TENM1: variants seen among roughly 807,000 people sequenced by gnomAD.
TENM1 encodes teneurin-1.
Under a neutral mutation model 174.8 loss-of-function variants are expected in TENM1, and 35 were observed. That is an observed-to-expected ratio of 0.20 (90% CI 0.15 to 0.27). TENM1 has a LOEUF of 0.27. TENM1 is among the 10% of genes least tolerant of loss of function. The probability of loss-of-function intolerance (pLI) is 1.00; values close to 1 mark genes in which losing one functional copy is unlikely to be tolerated. For synonymous variants in TENM1, 781 were observed against 798.7 expected, an observed-to-expected ratio of 0.98 and a Z score of 0.37; for missense variants, 1,633 against 2,130.1, an observed-to-expected ratio of 0.77 and a Z score of 4.59.
chrX:124,508,089 A>C (rs866877670), intron 18 of TENM1, among the ~76,000 whole-genome samples: 3 of 112,432 alleles, frequency 2.7e-5, no homozygotes, highest in Middle Eastern at 9.2e-3. Context: ...AAAGACAAAA[A>C]ACCGAAAGAA....
the TENM1 span, among the ~76,000 whole-genome samples, chrX:124,973,047 A>C: frequency 8.9e-6 from 1 of 112,216 alleles, no homozygotes; most frequent in Non-Finnish European, 1.9e-5. Context: ...AGAAGGTAGG[A>C]AAGCAAGAAA....
At chrX:125,007,346 C>T in the TENM1 span, among the ~76,000 whole-genome samples, 80 of 102,414 alleles carry the variant, frequency 7.8e-4, 2 homozygotes, top group East Asian at 0.022. Flanking sequence ...TAAAAAGGAA[C>T]GAGAAAAAAA....
chrX:124,575,880 C>T (rs914036947), intron 11 of TENM1, among the ~76,000 whole-genome samples: 1 of 111,798 alleles, frequency 8.9e-6, no homozygotes, highest in Admixed American at 9.5e-5. Context: ...TGAACTTCTA[C>T]TCATTTGTAG....
chrX:124,904,393 C>A (rs1238248464), intron 1 of TENM1, among the ~76,000 whole-genome samples: 1 of 111,628 alleles, frequency 9.0e-6, no homozygotes, highest in Admixed American at 9.5e-5. Context: ...CAAAGAGTGA[C>A]CCTAAACACC....
chrX:124,866,493 T>C (rs1454157080), intron 3 of TENM1, among the ~76,000 whole-genome samples: 3 of 111,245 alleles, frequency 2.7e-5, no homozygotes, highest in African/African-American at 9.8e-5. Flanking sequence ...CCAAAACCTA[T>C]GGGACACAGC....
chrX:124,575,632 A>G (rs1200699911), intron 11 of TENM1, among the ~76,000 whole-genome samples: 1 of 112,232 alleles, frequency 8.9e-6, no homozygotes, highest in Non-Finnish European at 1.9e-5. Flanking sequence ...TCCTTTATAA[A>G]GGAACTGGTT....
At chrX:124,397,630 C>T (rs1315729674) in intron 27 of TENM1, among the ~76,000 whole-genome samples, 1 of 110,810 alleles carries the variant, frequency 9.0e-6, no homozygotes, top group Non-Finnish European at 1.9e-5. Flanking sequence ...CAGAGTCTCG[C>T]TCTGTCGCCC....
intron 27 of TENM1, among the ~76,000 whole-genome samples, chrX:124,398,912 T>C (rs745935673): frequency 8.9e-6 from 1 of 112,348 alleles, no homozygotes; most frequent in South Asian, 3.7e-4. Flanking sequence ...TCTAGAAAAG[T>C]TTACATGACA....
chrX:124,973,437 G>T, the TENM1 span, among the ~76,000 whole-genome samples: 31 of 111,608 alleles, frequency 2.8e-4, no homozygotes, highest in African/African-American at 1.0e-3. Context: ...CTAATTCTGT[G>T]AAGAAAGTCA....
intron 1 of TENM1, among the ~76,000 whole-genome samples, chrX:124,897,717 G>A (rs927896682): frequency 8.9e-6 from 1 of 112,236 alleles, no homozygotes; most frequent in Non-Finnish European, 1.9e-5. Flanking sequence ...TCACTGCTGA[G>A]TATGTTACCT....
At chrX:125,008,116 T>C in the TENM1 span, among the ~76,000 whole-genome samples, 1 of 111,158 alleles carries the variant, frequency 9.0e-6, no homozygotes, top group South Asian at 3.8e-4. Flanking sequence ...GACCCATTGG[T>C]GTGCTGTATT....
intron 15 of TENM1, among the ~76,000 whole-genome samples, chrX:124,540,208 C>T (rs1018317082): frequency 1.8e-5 from 2 of 112,198 alleles, no homozygotes; most frequent in Non-Finnish European, 1.9e-5. Context: ...TCCATCTGCA[C>T]AGTTCCTGGC....
chrX:124,548,357 C>T (rs989288608), intron 14 of TENM1, among the ~76,000 whole-genome samples: 2 of 110,908 alleles, frequency 1.8e-5, no homozygotes, highest in Non-Finnish European at 3.8e-5. Context: ...CTGTTAGGTG[C>T]TTGCAGAGGT....
At chrX:124,978,265 T>C in the TENM1 span, among the ~76,000 whole-genome samples, 2 of 111,679 alleles carry the variant, frequency 1.8e-5, no homozygotes, top group Non-Finnish European at 3.8e-5. Context: ...TTATTGATGG[T>C]TTATTTTACT....
At chrX:124,987,399 A>C in the TENM1 span, among the ~76,000 whole-genome samples, 1 of 111,745 alleles carries the variant, frequency 8.9e-6, no homozygotes, top group South Asian at 3.8e-4. Context: ...AATAGGAAAA[A>C]TCTATTGGGT....
At chrX:125,128,011 G>T in the TENM1 span, among the ~76,000 whole-genome samples, 1 of 110,897 alleles carries the variant, frequency 9.0e-6, no homozygotes, top group East Asian at 2.9e-4. Flanking sequence ...GACCCTAAAG[G>T]TGAATAAGCT....
intron 11 of TENM1, among the ~76,000 whole-genome samples, chrX:124,618,372 G>A (rs2148322450): frequency 8.9e-6 from 1 of 111,857 alleles, no homozygotes; most frequent in African/African-American, 3.2e-5. Context: ...ACACCTGGTA[G>A]GGCAAGTCCT....
chrX:124,572,385 T>A (rs919891445), intron 11 of TENM1, among the ~76,000 whole-genome samples: 36 of 111,878 alleles, frequency 3.2e-4, no homozygotes, highest in African/African-American at 1.1e-3. Context: ...TAAAATTTAG[T>A]TCCTATTTAT....
At chrX:124,428,744 T>C (rs962001227) in intron 23 of TENM1, among the ~76,000 whole-genome samples, 8 of 111,979 alleles carry the variant, frequency 7.1e-5, no homozygotes, top group Non-Finnish European at 1.5e-4. Context: ...TTTATAGTCA[T>C]AGACCTTTAG....
Sources: allele counts gnomAD v4.1 joint callset (sites outside exome capture counted in the v4.1 genomes callset), GRCh38; gene constraint gnomAD v4.1.1; transcripts MANE v1.5; gene names NCBI Gene and HGNC (gene_info 2026-07-23, HGNC 2026-07-21).